Variants in KCNT2 observed in about 807,000 individuals in gnomAD.
The protein encoded by KCNT2 is potassium sodium-activated channel subfamily T member 2, also known as potassium channel subfamily T member 2.
In KCNT2, 67 loss-of-function variants were observed where a neutral mutation model predicts 153.8. That is an observed-to-expected ratio of 0.44 (90% CI 0.36 to 0.53). KCNT2 has a LOEUF of 0.53. Ranked by LOEUF, KCNT2 falls within the 20% of genes least tolerant of loss-of-function variation. The pLI is 0.00. For missense variants in KCNT2, 975 were observed against 1,354.8 expected (o/e 0.72, Z 4.40); for synonymous variants, 500 against 458.8 (o/e 1.09, Z -1.15).
intron 19 of KCNT2, among the ~76,000 whole-genome samples, chr1:196,322,204 G>T (rs1479954532): frequency 6.6e-6 from 1 of 151,970 alleles, no homozygotes; most frequent in South Asian, 2.1e-4. Context: ...TTAAGGAAAA[G>T]TGGTGACAAT....
intron 26 of KCNT2, among the ~76,000 whole-genome samples, chr1:196,247,976 C>T (rs889038897): frequency 6.6e-6 from 1 of 152,044 alleles, no homozygotes; most frequent in Non-Finnish European, 1.5e-5. Flanking sequence ...AGGAATAAAA[C>T]TACAAATCAA....
chr1:196,459,961 T>C (rs1254165160), intron 8 of KCNT2, among the ~76,000 whole-genome samples: 1 of 151,824 alleles, frequency 6.6e-6, no homozygotes, highest in Non-Finnish European at 1.5e-5. Flanking sequence ...AGCCTTCTTT[T>C]CTCAAAAGCC....
intron 1 of KCNT2, among the ~76,000 whole-genome samples, chr1:196,601,085 A>C (rs1664670268): frequency 6.6e-6 from 1 of 152,132 alleles, no homozygotes; most frequent in African/African-American, 2.4e-5. Flanking sequence ...CATACTTCCA[A>C]ATGCCTCCTG....
intron 8 of KCNT2, among the ~76,000 whole-genome samples, chr1:196,445,385 T>A (rs1675600259): frequency 6.6e-6 from 1 of 151,348 alleles, no homozygotes; most frequent in South Asian, 2.1e-4. Context: ...TAGTCAACAT[T>A]TTCTGGAAAT....
intron 8 of KCNT2, among the ~76,000 whole-genome samples, chr1:196,449,438 G>A (rs1484848390): frequency 3.3e-5 from 5 of 151,612 alleles, no homozygotes; most frequent in Admixed American, 6.6e-5. Flanking sequence ...TGGATTATTA[G>A]GGAAAATCAG....
intron 11 of KCNT2, among the ~76,000 whole-genome samples, chr1:196,423,323 A>G (rs1311850169): frequency 6.6e-6 from 1 of 151,924 alleles, no homozygotes; most frequent in African/African-American, 2.4e-5. Flanking sequence ...GTTGTCTATT[A>G]TAACTTAATG....
chr1:196,425,182 G>A (rs1246876937), intron 11 of KCNT2, among the ~76,000 whole-genome samples: 1 of 151,908 alleles, frequency 6.6e-6, no homozygotes, highest in Non-Finnish European at 1.5e-5. Flanking sequence ...TGGTGTCCAC[G>A]CTATGCTCAA....
intron 10 of KCNT2, among the ~76,000 whole-genome samples, chr1:196,426,482 A>G (rs1221789952): frequency 1.3e-5 from 2 of 152,058 alleles, no homozygotes; most frequent in East Asian, 3.9e-4. Context: ...AAGGATCCAT[A>G]AAAACACTGA....
chr1:196,258,002 G>A (rs914464111), intron 26 of KCNT2, 192 bp downstream of exon 26: 14 of 1,396,272 alleles, frequency 1.0e-5, no homozygotes, highest in Non-Finnish European at 9.3e-6. Flanking sequence ...CTCAGCAAAC[G>A]CTGAAAATTT....
intron 1 of KCNT2, among the ~76,000 whole-genome samples, chr1:196,538,924 A>G (rs890148775): frequency 6.6e-6 from 1 of 152,250 alleles, no homozygotes; most frequent in Admixed American, 6.5e-5. Context: ...TTAGAGCTTA[A>G]GAAATGAAAT....
At chr1:196,369,425 C>T (rs533668418) in intron 14 of KCNT2, among the ~76,000 whole-genome samples, 5 of 152,110 alleles carry the variant, frequency 3.3e-5, no homozygotes, top group South Asian at 4.1e-4. Flanking sequence ...GCTGCACCCA[C>T]TAACTCGTCA....
At chr1:196,553,213 T>A (rs571023160) in intron 1 of KCNT2, among the ~76,000 whole-genome samples, 3 of 151,036 alleles carry the variant, frequency 2.0e-5, no homozygotes, top group African/African-American at 7.2e-5. Flanking sequence ...GAAAAATATA[T>A]TCCATGTCAA....
At chr1:196,594,484 T>C (rs148692732) in intron 1 of KCNT2, among the ~76,000 whole-genome samples, 2 of 152,258 alleles carry the variant, frequency 1.3e-5, no homozygotes, top group African/African-American at 4.8e-5. Flanking sequence ...TTTGGTAATA[T>C]CTTCTTTATA....
chr1:196,268,884 T>C (rs1047960841), intron 25 of KCNT2, among the ~76,000 whole-genome samples: 2 of 152,128 alleles, frequency 1.3e-5, no homozygotes, highest in African/African-American at 4.8e-5. Flanking sequence ...AACCAAATTT[T>C]GGGTGAATTC....
intron 9 of KCNT2, 42 bp from the exon 10 acceptor site, chr1:196,428,311 GAAAT>G (rs1673831368): frequency 1.4e-6 from 2 of 1,440,490 alleles, no homozygotes; most frequent in East Asian, 2.3e-5. Flanking sequence ...ACACAGTAAG[GAAAT>G]AAATAAATCA....
chr1:196,305,041 T>C (rs942222228), intron 22 of KCNT2, among the ~76,000 whole-genome samples, 193 bp downstream of exon 22: 1 of 152,190 alleles, frequency 6.6e-6, no homozygotes, highest in Non-Finnish European at 1.5e-5. Flanking sequence ...CATATTTACC[T>C]GTGATATAAA....
At chr1:196,442,920 G>A (rs537092819) in intron 8 of KCNT2, among the ~76,000 whole-genome samples, 2 of 151,690 alleles carry the variant, frequency 1.3e-5, no homozygotes, top group African/African-American at 4.8e-5. Context: ...TGAATGGTTT[G>A]GAATAGAGCC....
chr1:196,461,128 C>T (rs2148650791), intron 8 of KCNT2, among the ~76,000 whole-genome samples: 1 of 151,858 alleles, frequency 6.6e-6, no homozygotes, highest in South Asian at 2.1e-4. Flanking sequence ...TACTTATCTT[C>T]TCACTGTCCA....
chr1:196,258,359 G>A lies in KCNT2; in HGVS notation c.3046C>T (p.Gln1016Ter), dbSNP rs1297872052. 1 of 1,613,982 alleles carries A rather than the reference G, an allele frequency of 6.2e-7. No individual in the cohort carries two copies. The stretch of plus-strand genomic sequence containing the variant: ...TTTCTGCTCAGTCTTCGGGCCCACT[G>A]CATGCTTTTTCTCCGCAGCAAGGGA... ...DHPLLRRKSM[Q>*]WARRLSRKGP... is the part of the protein sequence containing the mutation. Residue 1016 changes from glutamine to a stop codon, truncating the protein, a stop_gained, in exon 26 of 28, where the codon CAG becomes TAG. Transcript: ENST00000294725. LOFTEE classifies it high-confidence loss of function.
Sources: gnomAD v4.1 joint callset for allele counts (sites outside exome capture counted in the v4.1 genomes callset) on GRCh38, gnomAD v4.1.1 for gene constraint, MANE v1.5 for transcripts, NCBI Gene and HGNC (gene_info 2026-07-23, HGNC 2026-07-21) for gene names.